LDB3: variants seen among roughly 807,000 people sequenced by gnomAD.
LDB3 encodes LIM domain-binding protein 3.
In LDB3, 49 loss-of-function variants were observed where a neutral mutation model predicts 69.0. The observed-to-expected ratio is 0.71, with a 90% CI of 0.56 to 0.90. The LOEUF (loss-of-function observed/expected upper bound fraction) is 0.90. Among genes scored for constraint, LDB3 ranks in the 40% least tolerant of loss-of-function variants. The pLI, the probability that LDB3 is intolerant of heterozygous loss-of-function variation, is 0.00. For synonymous variants in LDB3, 387 were observed against 396.2 expected (o/e 0.98, Z 0.28); for missense variants, 928 against 974.1 (o/e 0.95, Z 0.63).
At chr10:86,680,690 A>G (rs3830522) in intron 4 of LDB3, among the ~76,000 whole-genome samples, 3,236 of 99,598 alleles carry the variant, frequency 0.032, 117 homozygotes, top group African/African-American at 0.096. Context: ...TGGCAGGCAC[A>G]GGGGAGAAGG....
chr10:86,716,831 G>A (rs1244773965), intron 10 of LDB3, 60 bp downstream of exon 10: 3 of 1,515,192 alleles, frequency 2.0e-6, no homozygotes, highest in East Asian at 4.9e-5. Context: ...TGGGGTGCTT[G>A]CCCACAGTCT....
intron 12 of LDB3, among the ~76,000 whole-genome samples, chr10:86,723,203 G>A (rs1284463253): frequency 7.0e-6 from 1 of 142,624 alleles, no homozygotes; most frequent in African/African-American, 2.6e-5. Flanking sequence ...CCAGGAAGTT[G>A]AGGTTGCAGT....
chr10:86,708,177 C>T (rs758972182), intron 8 of LDB3, among the ~76,000 whole-genome samples: 46 of 152,362 alleles, frequency 3.0e-4, no homozygotes, highest in Non-Finnish European at 4.9e-4. Context: ...GGGAGTCCTC[C>T]CTTCCTTCCC....
At chr10:86,702,869 G>C (rs994911625) in intron 7 of LDB3, among the ~76,000 whole-genome samples, 1 of 152,190 alleles carries the variant, frequency 6.6e-6, no homozygotes, top group Non-Finnish European at 1.5e-5. Context: ...CAGTGTGCTA[G>C]AGAGGATGCT....
chr10:86,676,523 C>T (rs1589612731), intron 2 of LDB3, among the ~76,000 whole-genome samples: 1 of 142,618 alleles, frequency 7.0e-6, no homozygotes, highest in African/African-American at 2.6e-5. Context: ...CGAGATGATG[C>T]CATTGCACTC....
rs374543350 is a variant in LDB3 at position 86,679,335 on chromosome 10, A to G, written c.94-32A>G. 6.8e-5 allele frequency: 110 copies of G among 1,613,902 alleles called. 1 individual carries two copies. In the Middle Eastern group the frequency reaches 1.3e-3, roughly 19 times the overall value. Reference sequence around the variant, plus strand: ...GCCTTTCCTCAGGACCACCTTCCTTATGCTCACCCCCCACCTCCACTATCC... The same window carrying G: ...GCCTTTCCTCAGGACCACCTTCCTTGTGCTCACCCCCCACCTCCACTATCC... On this transcript the variant is annotated intron_variant, in intron 2 of 13. Coordinates refer to ENST00000361373, the MANE Select transcript of LDB3 (RefSeq NM_007078.3).
chr10:86,720,326 C>G (rs1847030355), intron 12 of LDB3, among the ~76,000 whole-genome samples: 1 of 152,066 alleles, frequency 6.6e-6, no homozygotes. Flanking sequence ...CGTCTGTAAT[C>G]CCAGCTACTC....
chr10:86,729,616 G>T (rs889435525), intron 13 of LDB3, among the ~76,000 whole-genome samples: 1 of 152,172 alleles, frequency 6.6e-6, no homozygotes, highest in African/African-American at 2.4e-5. Flanking sequence ...GAGCCTGGGG[G>T]TTGGACCATC....
chr10:86,681,415 G>T (rs1224325496), intron 4 of LDB3, 21 bp from the exon 5 acceptor site: 1 of 1,599,384 alleles, frequency 6.3e-7, no homozygotes, highest in African/African-American at 1.3e-5. Context: ...TCTCTCCCCT[G>T]CATGGCCTGC....
At chr10:86,666,928 C>T (rs1219168946), upstream of LDB3, 1 of 453,386 alleles carries the variant, frequency 2.2e-6, no homozygotes, top group East Asian at 7.1e-5. Flanking sequence ...CTGCTGAGTC[C>T]TCCCCAGCCT....
At chr10:86,706,400 C>A in intron 7 of LDB3, 131 bp from the exon 8 acceptor site, 2 of 974,462 alleles carry the variant, frequency 2.1e-6, no homozygotes, top group Non-Finnish European at 3.3e-6. Context: ...GAGGATCCTA[C>A]TCTGTTTGCA....
At chr10:86,709,788 T>C in intron 8 of LDB3, 117 bp from the exon 9 acceptor site, 3 of 1,094,460 alleles carry the variant, frequency 2.7e-6, no homozygotes, top group East Asian at 2.5e-5. Context: ...TCCCCAGAAA[T>C]GTCTCTGTCA....
rs397517224 is a variant in LDB3, at chr10:86,681,644, C to G, written c.530C>G (p.Ala177Gly). ...SLRAKTSPEG[A>G]RDLLGPKALP... ...AGGGCCAAGACCAGCCCAGAGGGGG[C>G]CCGGGACCTACTCGGCCCAAAAGCC... Residue 177 changes from alanine (A) to glycine (G), a missense_variant, in exon 5 of 14, where the codon GCC (alanine) becomes GGC (glycine). By Grantham distance (60) the Ala-to-Gly change is moderately conservative (BLOSUM62 0). Coordinates refer to ENST00000361373, the MANE Select transcript of LDB3 (RefSeq NM_007078.3). The G allele has an allele frequency of 6.2e-7, 1 of 1,613,212 alleles. No homozygotes were observed. The highest frequency in any genetic ancestry group is 1.3e-5 in the African/African-American group (1 of 75,074).
At position 86,685,138 on chromosome 10, in the gene LDB3, C is replaced by T. The variant is rs143918649; in HGVS notation, c.689+3335C>T. ...GTCTCTTCTGGGAGGGAGAGGAGGTCAGGTTTGGGGGGGCATAGGAAACCC... is the reference window on the plus strand; with the variant it reads ...GTCTCTTCTGGGAGGGAGAGGAGGTTAGGTTTGGGGGGGCATAGGAAACCC... On this transcript the variant is annotated intron_variant, in intron 5 of 13. Coordinates refer to ENST00000361373, the MANE Select transcript of LDB3 (RefSeq NM_007078.3). 7.2e-5 allele frequency among the ~76,000 whole-genome samples: 11 copies of T among 152,280 alleles called. No individual in the cohort carries two copies. In the East Asian group the frequency reaches 1.9e-3, roughly 27 times the overall value.
At chr10:86,670,785 A>G (rs1478392333) in intron 2 of LDB3, among the ~76,000 whole-genome samples, 5 of 152,242 alleles carry the variant, frequency 3.3e-5, no homozygotes, top group African/African-American at 1.2e-4. Context: ...CTTTAGGGGC[A>G]TACCCCAAAT....
rs550004125 is a variant in LDB3, at chr10:86,688,259, T to C, written c.690-3637T>C. On this transcript the variant is annotated intron_variant, in intron 5 of 13. Coordinates refer to ENST00000361373, the MANE Select transcript of LDB3 (RefSeq NM_007078.3). The stretch of plus-strand genomic sequence containing the variant: ...AGTCTTGAAATGACAGTGATGCTTT[T>C]TTCCAAAGCCAGAAAAACCGATGTA... Among the ~76,000 whole-genome samples, 3 of 152,320 alleles carry C rather than the reference T, an allele frequency of 2.0e-5. No individual in the cohort carries two copies. The South Asian group carries it at 6.2e-4, about 32-fold the overall frequency.
At position 86,699,474 on chromosome 10, in the gene LDB3, G is replaced by A; in HGVS notation, c.896+6903G>A. The stretch of plus-strand genomic sequence containing the variant: ...GAGCCCCACGGTGATGCTTGACAAT[G>A]TATAACTCTGCTGGGGGCACCTCTG... On this transcript the variant is annotated intron_variant, in intron 7 of 13. Transcript: ENST00000361373. The surrounding 1 kb of genome is among the most constrained non-coding windows in gnomAD (Gnocchi z 4.9). 6.3e-7 allele frequency: 1 copy of A among 1,585,254 alleles called. No homozygotes were observed. Among genetic ancestry groups the A allele is most frequent in the Admixed American group, 1.8e-5 (1 of 56,324 alleles).
chr10:86,680,569 C>G (rs1845059843), intron 4 of LDB3, among the ~76,000 whole-genome samples: 1 of 152,180 alleles, frequency 6.6e-6, no homozygotes, highest in African/African-American at 2.4e-5. Context: ...ACGAGGACCT[C>G]CAGGTGTGGA....
intron 7 of LDB3, among the ~76,000 whole-genome samples, chr10:86,700,930 C>A (rs995149351): frequency 4.6e-5 from 7 of 152,250 alleles, no homozygotes; most frequent in Admixed American, 2.0e-4. Flanking sequence ...GCCCTCAAGG[C>A]TGTCCTGCCT....
Sources: allele counts gnomAD v4.1 joint callset (sites outside exome capture counted in the v4.1 genomes callset), GRCh38; gene constraint gnomAD v4.1.1; non-coding constraint Gnocchi (gnomAD v3.1); transcripts MANE v1.5; gene names NCBI Gene and HGNC (gene_info 2026-07-23, HGNC 2026-07-21).